The following PRKD3 variants were observed in gnomAD, a reference collection of about 807,000 sequenced individuals.
PRKD3 encodes protein kinase D3.
In PRKD3, 47 loss-of-function variants were observed where a neutral mutation model predicts 99.2. The ratio of observed to expected loss-of-function variants is 0.47; its 90% CI spans 0.38 to 0.60. The LOEUF is 0.60. Among genes scored for constraint, PRKD3 ranks in the 20% least tolerant of loss-of-function variants. PRKD3 has a pLI of 0.00. For synonymous variants in PRKD3, 392 were observed against 355.4 expected, an observed-to-expected ratio of 1.10 and a Z score of -1.16; for missense variants, 1,019 against 1,088.4, an observed-to-expected ratio of 0.94 and a Z score of 0.90.
chr2:37,256,126 C>T (rs940850279), intron 17 of PRKD3, among the ~76,000 whole-genome samples: 4 of 152,068 alleles, frequency 2.6e-5, no homozygotes, highest in South Asian at 2.1e-4. Flanking sequence ...AAGGGGTCCT[C>T]GAATTTTAAT....
intron 14 of PRKD3, among the ~76,000 whole-genome samples, chr2:37,262,552 A>C (rs1572621048): frequency 6.6e-6 from 1 of 152,338 alleles, no homozygotes; most frequent in East Asian, 1.9e-4. Context: ...ATGAAACTCA[A>C]ATACCCCATA....
chr2:37,279,565 G>T (rs914801803), intron 8 of PRKD3, among the ~76,000 whole-genome samples, 181 bp downstream of exon 8: 1 of 151,710 alleles, frequency 6.6e-6, no homozygotes, highest in Admixed American at 6.6e-5. Flanking sequence ...ATCTTGAGTG[G>T]ATGGCAAGGG....
At chr2:37,313,722 C>A (rs1258734733) in intron 2 of PRKD3, among the ~76,000 whole-genome samples, 1 of 152,168 alleles carries the variant, frequency 6.6e-6, no homozygotes, top group Admixed American at 6.5e-5. Context: ...AAGACAGTCC[C>A]TCACTTAAGA....
At chr2:37,315,711 A>C (rs951695146) in intron 2 of PRKD3, among the ~76,000 whole-genome samples, 4 of 152,168 alleles carry the variant, frequency 2.6e-5, no homozygotes, top group African/African-American at 9.7e-5. Context: ...TAAAGCTAAA[A>C]TAAATGCATT....
chr2:37,288,251 GCACTAA>G (rs1399568996), intron 5 of PRKD3, among the ~76,000 whole-genome samples: 1 of 152,152 alleles, frequency 6.6e-6, no homozygotes, highest in East Asian at 1.9e-4. Flanking sequence ...TGTATAAGAT[GCACTAA>G]CTTTTTCCTA....
intron 1 of PRKD3, among the ~76,000 whole-genome samples, chr2:37,320,869 C>T (rs928041784): frequency 3.3e-5 from 5 of 152,118 alleles, no homozygotes; most frequent in African/African-American, 1.2e-4. Context: ...ATAAACACTA[C>T]ATATAAAAAT....
In PRKD3 at chr2:37,308,797, A is replaced by C. The variant is rs569958094; in HGVS notation, c.288+7440T>G. Among the ~76,000 whole-genome samples, 298 of 151,644 alleles carry C rather than the reference A, an allele frequency of 2.0e-3. 1 individual carries two copies. Among genetic ancestry groups the C allele is most frequent in the Admixed American group, 3.4e-3 (52 of 15,078 alleles). On this transcript the variant is annotated intron_variant, in intron 2 of 18. Transcript: ENST00000234179. ...GAAGGTCTATGTTAATGTTCCTTCA[A>C]CTGCTTAAAACTAGTTTTTTAAGCT...
rs944043577 is a variant in PRKD3 at position 37,251,808 on chromosome 2, C to T, written c.*1369G>A. ...CAGACCTGCCATCTGTCCAGGCCAA[C>T]ATAACTAACAAGTAGTGGAGTCCAA... On this transcript the variant is annotated 3_prime_UTR_variant, in exon 19 of 19. Coordinates refer to ENST00000234179, the MANE Select transcript of PRKD3 (RefSeq NM_005813.6). The T allele has an allele frequency of 4.0e-5, 6 of 151,554 alleles. No homozygotes were observed. In the Middle Eastern group the frequency reaches 0.014, roughly 344 times the overall value. The allele number at this position is 151,554 out of a possible 1,614,324, so 9.4% of individuals were successfully genotyped here.
chr2:37,299,589 G>T (rs1670828448), intron 2 of PRKD3, among the ~76,000 whole-genome samples: 1 of 150,548 alleles, frequency 6.6e-6, no homozygotes, highest in Non-Finnish European at 1.5e-5. Context: ...ATTAACAAGT[G>T]AAGTGACAAC....
At chr2:37,296,879 G>A (rs1228150092) in intron 2 of PRKD3, among the ~76,000 whole-genome samples, 8 of 121,184 alleles carry the variant, frequency 6.6e-5, no homozygotes, top group Non-Finnish European at 1.1e-4. Context: ...CAGCCTGGGC[G>A]ACAAAGCGTG....
intron 1 of PRKD3, among the ~76,000 whole-genome samples, chr2:37,319,511 C>T (rs1218974738): frequency 6.6e-6 from 1 of 152,090 alleles, no homozygotes; most frequent in African/African-American, 2.4e-5. Flanking sequence ...CATTTAGTTT[C>T]CCCAAAATGT....
chr2:37,291,083 A>T, intron 3 of PRKD3, 84 bp from the exon 4 acceptor site: 1 of 1,249,290 alleles, frequency 8.0e-7, no homozygotes, highest in Non-Finnish European at 1.1e-6. Context: ...CTTATGTCAA[A>T]GTACACAGAA....
At chr2:37,263,052 TTTTGA>T in intron 14 of PRKD3, among the ~76,000 whole-genome samples, 1 of 152,148 alleles carries the variant, frequency 6.6e-6, no homozygotes, top group South Asian at 2.1e-4. Flanking sequence ...TAATTTTCAT[TTTTGA>T]TCTGTTATTC....
intron 2 of PRKD3, among the ~76,000 whole-genome samples, chr2:37,295,588 C>T (rs1006809408): frequency 6.6e-6 from 1 of 152,198 alleles, no homozygotes; most frequent in African/African-American, 2.4e-5. Context: ...CACCTACTAA[C>T]TATAGCACCT....
At chr2:37,264,476 A>G (rs567919261) in intron 14 of PRKD3, among the ~76,000 whole-genome samples, 1 of 143,892 alleles carries the variant, frequency 6.9e-6, no homozygotes, top group East Asian at 2.1e-4. Context: ...TATGAAGGTG[A>G]TAAGTGCCAT....
chr2:37,305,232 T>G (rs1311028266), intron 2 of PRKD3, among the ~76,000 whole-genome samples: 1 of 152,192 alleles, frequency 6.6e-6, no homozygotes. Context: ...ACGATGCAGT[T>G]AAAGAACAGA....
rs185578989 is a variant in PRKD3 at position 37,274,242 on chromosome 2, T to C, written c.1651+179A>G. On this transcript the variant is annotated intron_variant, in intron 11 of 18. Coordinates refer to ENST00000234179, the MANE Select transcript of PRKD3 (RefSeq NM_005813.6). Reference sequence around the variant, plus strand: ...GCACTGGGCATTGTATGTACGTATATATACTATAACCAATATAATTTTATA... The same window carrying C: ...GCACTGGGCATTGTATGTACGTATACATACTATAACCAATATAATTTTATA... Among the ~76,000 whole-genome samples, 315 of 152,344 alleles carry C rather than the reference T, an allele frequency of 2.1e-3. 1 individual carries two copies. Among genetic ancestry groups the C allele is most frequent in the African/African-American group, 7.3e-3 (302 of 41,578 alleles).
chr2:37,312,960 A>G (rs1012484842), intron 2 of PRKD3, among the ~76,000 whole-genome samples: 4 of 152,310 alleles, frequency 2.6e-5, no homozygotes, highest in African/African-American at 7.2e-5. Context: ...AATAACAATA[A>G]TTGACTGCAT....
chr2:37,312,143 G>C (rs1392690376), intron 2 of PRKD3, among the ~76,000 whole-genome samples: 1 of 152,102 alleles, frequency 6.6e-6, no homozygotes, highest in Non-Finnish European at 1.5e-5. Flanking sequence ...AATGCTCAAT[G>C]ATAAGAGTAA....
Sources: gnomAD v4.1 joint callset for allele counts (sites outside exome capture counted in the v4.1 genomes callset) on GRCh38, gnomAD v4.1.1 for gene constraint, MANE v1.5 for transcripts, NCBI Gene and HGNC (gene_info 2026-07-23, HGNC 2026-07-21) for gene names.